The following ERC2 variants were observed in gnomAD, a reference collection of about 807,000 sequenced individuals.
ERC2 encodes ELKS/RAB6-interacting/CAST family member 2.
In ERC2, 42 loss-of-function variants were observed where a neutral mutation model predicts 114.8. The ratio of observed to expected loss-of-function variants is 0.37; its 90% CI spans 0.29 to 0.47. ERC2 has a LOEUF of 0.47. Ranked by LOEUF, ERC2 falls within the 20% of genes least tolerant of loss-of-function variation. ERC2 has a pLI of 0.99. For synonymous variants in ERC2, 454 were observed against 425.5 expected (o/e 1.07, Z -0.82); for missense variants, 939 against 1,150.7 (o/e 0.82, Z 2.66).
At chr3:55,619,638 T>C (rs900238759) in intron 17 of ERC2, among the ~76,000 whole-genome samples, 3 of 152,168 alleles carry the variant, frequency 2.0e-5, no homozygotes, top group African/African-American at 7.2e-5. Flanking sequence ...ACTGAGTATA[T>C]ACCTTGGGAC....
At chr3:56,178,639 G>A (rs1357969602) in intron 3 of ERC2, among the ~76,000 whole-genome samples, 1 of 152,152 alleles carries the variant, frequency 6.6e-6, no homozygotes, top group Non-Finnish European at 1.5e-5. Flanking sequence ...ACTCATGTCA[G>A]TCTTAAAACA....
At chr3:55,998,836 G>A (rs1294772673) in intron 10 of ERC2, among the ~76,000 whole-genome samples, 2 of 152,124 alleles carry the variant, frequency 1.3e-5, no homozygotes, top group South Asian at 2.1e-4. Flanking sequence ...TACGTAAAAT[G>A]TGAGCCCTGC....
At chr3:55,821,956 T>C (rs2060141840) in intron 14 of ERC2, among the ~76,000 whole-genome samples, 1 of 152,240 alleles carries the variant, frequency 6.6e-6, no homozygotes. Flanking sequence ...CATGCTATGC[T>C]CCCAGCATTC....
chr3:55,649,598 G>T (rs529037916), intron 17 of ERC2, among the ~76,000 whole-genome samples: 4 of 152,300 alleles, frequency 2.6e-5, no homozygotes, highest in African/African-American at 9.6e-5. Context: ...CCAATCCAAT[G>T]TATGCGTTTT....
rs141405928 is a variant in ERC2, at chr3:56,036,699, G to T, written c.1642-17668C>A. ...GGAGCTCTCACCCCCAGACAAGGGA[G>T]GCAGTGAGTAATTGTGCTACCCTGC... On this transcript the variant is annotated intron_variant, in intron 7 of 17. Coordinates refer to ENST00000288221, the MANE Select transcript of ERC2 (RefSeq NM_015576.3). Among the ~76,000 whole-genome samples the T allele has an allele frequency of 4.2e-3, 641 of 152,304 alleles. 6 individuals carry two copies. The highest frequency in any genetic ancestry group is 0.015 in the African/African-American group (608 of 41,568).
intron 1 of ERC2, among the ~76,000 whole-genome samples, chr3:56,460,788 A>G (rs2063275736): frequency 6.6e-6 from 1 of 152,200 alleles, no homozygotes; most frequent in Non-Finnish European, 1.5e-5. Context: ...ACTTATAGTC[A>G]TTATTCCTCT....
intron 7 of ERC2, among the ~76,000 whole-genome samples, chr3:56,029,234 T>C (rs1176353530): frequency 6.6e-6 from 1 of 152,068 alleles, no homozygotes; most frequent in Non-Finnish European, 1.5e-5. Context: ...TCTAAATTCA[T>C]GAGAGACAGT....
chr3:55,970,002 C>A (rs892836901), intron 12 of ERC2, among the ~76,000 whole-genome samples: 2 of 152,058 alleles, frequency 1.3e-5, no homozygotes, highest in African/African-American at 4.8e-5. Context: ...AGGTAAGCAT[C>A]CATTTCAAAG....
chr3:56,376,060 T>G (rs1378607553), intron 2 of ERC2, among the ~76,000 whole-genome samples: 2 of 152,188 alleles, frequency 1.3e-5, no homozygotes, highest in African/African-American at 4.8e-5. Flanking sequence ...CCAGTCAAGC[T>G]TTCAGATGAG....
intron 1 of ERC2, among the ~76,000 whole-genome samples, chr3:56,449,068 C>G (rs1422981042): frequency 3.2e-5 from 3 of 94,954 alleles, no homozygotes; most frequent in African/African-American, 1.6e-4. Flanking sequence ...GAGCGAGACT[C>G]CATCTCAAAA....
In ERC2 at chr3:56,289,500, T is replaced by C. The variant is rs567260776; in HGVS notation, c.1074+6519A>G. Among the ~76,000 whole-genome samples the C allele has an allele frequency of 3.9e-5, 6 of 152,340 alleles. No individual in the cohort carries two copies. In the South Asian group the frequency reaches 1.0e-3, roughly 26 times the overall value. On this transcript the variant is annotated intron_variant, in intron 3 of 17. Coordinates refer to ENST00000288221, the MANE Select transcript of ERC2 (RefSeq NM_015576.3). ...CCCACAGAGTAAAGCCACTTCCCTG[T>C]GTGTGGGCCTCAGAGCCCTCAGTGA...
chr3:56,023,543 C>T (rs1359412256), intron 7 of ERC2, among the ~76,000 whole-genome samples: 1 of 152,144 alleles, frequency 6.6e-6, no homozygotes, highest in East Asian at 1.9e-4. Flanking sequence ...TCAGCACACT[C>T]CTTGCCTCCT....
intron 14 of ERC2, among the ~76,000 whole-genome samples, chr3:55,850,217 T>A (rs2061513122): frequency 6.6e-6 from 1 of 152,232 alleles, no homozygotes; most frequent in South Asian, 2.1e-4. Context: ...TTAGGGCCCA[T>A]CCAAATATAG....
At chr3:56,151,324 C>T (rs1190602269) in intron 4 of ERC2, among the ~76,000 whole-genome samples, 3 of 152,130 alleles carry the variant, frequency 2.0e-5, no homozygotes, top group Admixed American at 6.5e-5. Flanking sequence ...ACCTCAGCCT[C>T]CCAAAGTGTT....
intron 3 of ERC2, among the ~76,000 whole-genome samples, chr3:56,208,984 A>C (rs565051145): frequency 3.9e-5 from 6 of 152,048 alleles, no homozygotes; most frequent in African/African-American, 1.4e-4. Flanking sequence ...AGTCCATTTC[A>C]CCTTCCATCT....
intron 3 of ERC2, among the ~76,000 whole-genome samples, chr3:56,248,950 T>C (rs17216573): frequency 0.2 from 30,987 of 152,228 alleles, 3,788 homozygotes; most frequent in East Asian, 0.53. Context: ...AGACAAGATC[T>C]TTTTTAGCAC....
At chr3:56,132,946 C>T (rs1175801847) in intron 6 of ERC2, among the ~76,000 whole-genome samples, 1 of 152,184 alleles carries the variant, frequency 6.6e-6, no homozygotes, top group African/African-American at 2.4e-5. Flanking sequence ...AGAGTTTGGG[C>T]AATGACCTTC....
chr3:56,341,495 A>G (rs1439277316), intron 2 of ERC2, among the ~76,000 whole-genome samples: 1 of 152,152 alleles, frequency 6.6e-6, no homozygotes, highest in African/African-American at 2.4e-5. Context: ...GTTGGGATGA[A>G]AGGTTTATTT....
chr3:55,672,300 T>C (rs913732093), intron 17 of ERC2, among the ~76,000 whole-genome samples: 2 of 150,090 alleles, frequency 1.3e-5, no homozygotes, highest in Admixed American at 1.3e-4. Context: ...GATCACACCA[T>C]TGCACTCCAG....
Sources: gnomAD v4.1 joint callset for allele counts (sites outside exome capture counted in the v4.1 genomes callset) on GRCh38, gnomAD v4.1.1 for gene constraint, MANE v1.5 for transcripts, NCBI Gene and HGNC (gene_info 2026-07-23, HGNC 2026-07-21) for gene names.